The following GALNTL6 variants were observed in gnomAD, a reference collection of about 807,000 sequenced individuals.
The protein encoded by GALNTL6 is polypeptide N-acetylgalactosaminyltransferase like 6.
GALNTL6 carries 46 observed loss-of-function variants against 73.7 expected under a neutral mutation model. That is an observed-to-expected ratio of 0.62 (90% CI 0.49 to 0.80). The LOEUF (loss-of-function observed/expected upper bound fraction) is 0.80. Among genes scored for constraint, GALNTL6 ranks in the 30% least tolerant of loss-of-function variants. The pLI is 0.00. For missense variants in GALNTL6, 604 were observed against 755.0 expected (o/e 0.80, Z 2.34); for synonymous variants, 259 against 263.7 (o/e 0.98, Z 0.17).
chr4:172,525,717 GCCGGGTGTGCTGGCACGCACCTGTGGT>G (rs999914842), intron 5 of GALNTL6, among the ~76,000 whole-genome samples: 1 of 152,048 alleles, frequency 6.6e-6, no homozygotes, highest in Non-Finnish European at 1.5e-5. Context: ...AAAAAATTAG[GCCGGGTGTGCTGGCACGCACCTGTGGT>G]CCCAGCTACT....
In GALNTL6 at chr4:173,039,940, C is replaced by T. The variant is rs781526365; in HGVS notation, c.1646C>T (p.Thr549Ile). ...NQLWGYRKDRTLFHPVSNSCM... is the reference protein window; with the variant it reads ...NQLWGYRKDRILFHPVSNSCM... ...TCTTCCTCACTCCTCCAGGACAGAA[C>T]ATTATTCCATCCTGTGAGCAACAGC... Residue 549 changes from threonine (T) to isoleucine (I), a missense_variant, in exon 13 of 13, where the codon ACA becomes ATA. Around this residue, in one of 5 missense-constraint regions of GALNTL6, gnomAD observed 261 missense variants for 296.5 expected, o/e 0.88. Transcript: ENST00000506823. 8 of 1,612,712 alleles carry T rather than the reference C, an allele frequency of 5.0e-6. No individual in the cohort carries two copies. In the African/African-American group the frequency reaches 6.7e-5, roughly 13 times the overall value.
At chr4:172,840,747 T>G (rs1743161201) in intron 7 of GALNTL6, among the ~76,000 whole-genome samples, 1 of 152,102 alleles carries the variant, frequency 6.6e-6, no homozygotes, top group South Asian at 2.1e-4. Flanking sequence ...CAAATAAATA[T>G]TCCTGTGAGA....
intron 2 of GALNTL6, among the ~76,000 whole-genome samples, chr4:172,186,995 G>C (rs1039138730): frequency 7.2e-5 from 11 of 151,978 alleles, no homozygotes; most frequent in African/African-American, 2.4e-4. Flanking sequence ...TGCCCACTAA[G>C]TAGAATATTC....
intron 2 of GALNTL6, among the ~76,000 whole-genome samples, chr4:172,128,283 T>G (rs917435198): frequency 6.6e-6 from 1 of 152,174 alleles, no homozygotes; most frequent in Non-Finnish European, 1.5e-5. Context: ...ATATGAGCAC[T>G]CATTTATCTA....
At chr4:172,426,827 C>A (rs1029900836) in intron 5 of GALNTL6, among the ~76,000 whole-genome samples, 8 of 151,998 alleles carry the variant, frequency 5.3e-5, no homozygotes, top group African/African-American at 1.9e-4. Context: ...AACCACAGCA[C>A]AGTTAGCAGA....
chr4:172,628,467 C>T (rs763437762), intron 5 of GALNTL6, among the ~76,000 whole-genome samples: 1 of 151,932 alleles, frequency 6.6e-6, no homozygotes, highest in Non-Finnish European at 1.5e-5. Flanking sequence ...CACGATGACT[C>T]ATGCCTATAA....
chr4:172,150,261 T>C (rs1734042506), intron 2 of GALNTL6, among the ~76,000 whole-genome samples: 1 of 152,252 alleles, frequency 6.6e-6, no homozygotes, highest in Admixed American at 6.5e-5. Flanking sequence ...ATAATTATTT[T>C]ATAAGTTTAT....
intron 4 of GALNTL6, among the ~76,000 whole-genome samples, chr4:172,347,626 T>C (rs1358019411): frequency 6.6e-6 from 1 of 152,176 alleles, no homozygotes; most frequent in Non-Finnish European, 1.5e-5. Flanking sequence ...TACACTCCCA[T>C]GGAAATTACT....
intron 2 of GALNTL6, among the ~76,000 whole-genome samples, chr4:171,869,817 A>AG (rs202095621): frequency 0.013 from 2,050 of 152,158 alleles, 59 homozygotes; most frequent in African/African-American, 0.046. Context: ...CGGTTTTATC[A>AG]GGGTTTCCCC....
At chr4:172,208,465 G>C (rs1289624742) in intron 2 of GALNTL6, among the ~76,000 whole-genome samples, 1 of 152,010 alleles carries the variant, frequency 6.6e-6, no homozygotes, top group East Asian at 1.9e-4. Flanking sequence ...TACTAAATCA[G>C]ACATATCTGA....
At chr4:172,701,947 T>A (rs1027904924) in intron 5 of GALNTL6, among the ~76,000 whole-genome samples, 1 of 151,672 alleles carries the variant, frequency 6.6e-6, no homozygotes, top group African/African-American at 2.4e-5. Flanking sequence ...ATAAATAAAA[T>A]CAAACAAAAT....
intron 5 of GALNTL6, among the ~76,000 whole-genome samples, chr4:172,652,493 A>AAG (rs1740520282): frequency 6.6e-6 from 1 of 152,218 alleles, no homozygotes; most frequent in Non-Finnish European, 1.5e-5. Flanking sequence ...AAAGAGAGAC[A>AAG]TTGTGCCTTT....
At chr4:172,595,223 T>G (rs1737807319) in intron 5 of GALNTL6, among the ~76,000 whole-genome samples, 1 of 152,194 alleles carries the variant, frequency 6.6e-6, no homozygotes, top group African/African-American at 2.4e-5. Flanking sequence ...TCATTGCAAC[T>G]GGAGTATTTG....
chr4:171,848,925 CT>C (rs149759600), intron 2 of GALNTL6, among the ~76,000 whole-genome samples: 1,984 of 148,560 alleles, frequency 0.013, 50 homozygotes, highest in African/African-American at 0.046. Context: ...GAACTTTTCC[CT>C]TTTTTTTTTA....
chr4:172,163,083 C>T (rs2110797174), intron 2 of GALNTL6, among the ~76,000 whole-genome samples: 1 of 152,060 alleles, frequency 6.6e-6, no homozygotes, highest in Non-Finnish European at 1.5e-5. Context: ...CCCACCTTGC[C>T]CTGGTGAACT....
At chr4:172,061,306 C>T (rs1268122137) in intron 2 of GALNTL6, among the ~76,000 whole-genome samples, 2 of 152,014 alleles carry the variant, frequency 1.3e-5, no homozygotes, top group Admixed American at 1.3e-4. Context: ...CACCCAGTCT[C>T]CTTCTCTGGC....
chr4:172,696,364 A>G (rs982619372), intron 5 of GALNTL6, among the ~76,000 whole-genome samples: 9 of 152,322 alleles, frequency 5.9e-5, no homozygotes, highest in African/African-American at 2.2e-4. Flanking sequence ...TTTTGTTCCC[A>G]TAAAAGATAT....
At chr4:172,372,329 C>T (rs979224123) in intron 5 of GALNTL6, among the ~76,000 whole-genome samples, 2 of 152,172 alleles carry the variant, frequency 1.3e-5, no homozygotes, top group Admixed American at 6.5e-5. Context: ...ATTTGAAGCA[C>T]CGGTCCCTCA....
At chr4:172,350,094 G>A (rs548457438) in intron 5 of GALNTL6, among the ~76,000 whole-genome samples, 9 of 152,148 alleles carry the variant, frequency 5.9e-5, no homozygotes, top group South Asian at 2.1e-4. Context: ...TTAATAAAAC[G>A]TTGACTTCAA....
Sources: allele counts gnomAD v4.1 joint callset (sites outside exome capture counted in the v4.1 genomes callset), GRCh38; gene constraint gnomAD v4.1.1; regional missense constraint gnomAD v4.1.1; transcripts MANE v1.5; gene names NCBI Gene and HGNC (gene_info 2026-07-23, HGNC 2026-07-21).